TIAM2: variants seen among roughly 807,000 people sequenced by gnomAD.
TIAM2 encodes the protein rho guanine nucleotide exchange factor TIAM2.
In TIAM2, 80 loss-of-function variants were observed where a neutral mutation model predicts 152.9. The observed-to-expected ratio is 0.52, with a 90% confidence interval of 0.44 to 0.63. The LOEUF (loss-of-function observed/expected upper bound fraction) is 0.63. Among genes scored for constraint, TIAM2 ranks in the 30% least tolerant of loss-of-function variants. The pLI is 0.00. For synonymous variants in TIAM2, 804 were observed against 838.0 expected, an observed-to-expected ratio of 0.96 and a Z score of 0.70; for missense variants, 1,965 against 2,120.1, an observed-to-expected ratio of 0.93 and a Z score of 1.44.
At chr6:155,091,891 A>C (rs972368961) in intron 2 of TIAM2, among the ~76,000 whole-genome samples, 7 of 152,014 alleles carry the variant, frequency 4.6e-5, no homozygotes, top group African/African-American at 7.3e-5. Flanking sequence ...AGTGACCTGG[A>C]GTAGGTTATT....
At chr6:155,211,096 T>C in intron 14 of TIAM2, 108 bp from the exon 15 acceptor site, 1 of 879,876 alleles carries the variant, frequency 1.1e-6, no homozygotes, top group Admixed American at 2.3e-5. Flanking sequence ...CTGTACTGCC[T>C]CCTAGGTTGT....
chr6:155,102,944 T>C (rs1366295698), intron 2 of TIAM2, among the ~76,000 whole-genome samples: 1 of 152,190 alleles, frequency 6.6e-6, no homozygotes, highest in Non-Finnish European at 1.5e-5. Flanking sequence ...CATTTTTGCT[T>C]TTACATGGGT....
chr6:155,144,505 C>G, intron 5 of TIAM2, 101 bp from the exon 6 acceptor site: 3 of 1,139,502 alleles, frequency 2.6e-6, no homozygotes, highest in Non-Finnish European at 3.6e-6. Context: ...ACATGATTGT[C>G]TCACTCAGGT....
rs141629343 is a variant in TIAM2 at position 155,005,594 on chromosome 6, C to A, written c.-209+10102C>A. Among the ~76,000 whole-genome samples the A allele has an allele frequency of 1.3e-3, 197 of 151,986 alleles. 7 individuals carry two copies. The East Asian group carries it at 0.034, about 26-fold the overall frequency. On this transcript the variant is annotated intron_variant, in intron 1 of 26. Coordinates refer to ENST00000682666, the MANE Select transcript of TIAM2 (RefSeq NM_012454.4). The stretch of plus-strand genomic sequence containing the variant: ...ACCTCAAGTGATCCACCCACCTTGG[C>A]CTCTCAAAGTGCTGGGATTACAGGG...
intron 9 of TIAM2, among the ~76,000 whole-genome samples, chr6:155,170,618 G>A (rs995012457): frequency 6.6e-6 from 1 of 152,100 alleles, no homozygotes; most frequent in South Asian, 2.1e-4. Context: ...AGAAAGTTAT[G>A]AAACTATAGC....
rs534201851 is a variant in TIAM2 at position 155,165,784 on chromosome 6, T to C, written c.2361+375T>C. Among the ~76,000 whole-genome samples the C allele has an allele frequency of 9.9e-5, 15 of 152,052 alleles. No homozygotes were observed. In the East Asian group the frequency reaches 2.9e-3, roughly 29 times the overall value. On this transcript the variant is annotated intron_variant, in intron 9 of 26. Transcript: ENST00000682666. ...GCCTGAGTGACAGAGCGAGACCCCG[T>C]CTCAAAAATAAAAATGAAAATAAAA...
chr6:155,224,158 AAAG>A (rs780525983), intron 15 of TIAM2, among the ~76,000 whole-genome samples: 12 of 152,328 alleles, frequency 7.9e-5, no homozygotes, highest in African/African-American at 2.4e-4. Flanking sequence ...GTACTGAGTG[AAAG>A]AAGATGTGTT....
At chr6:155,009,314 C>G (rs1778449415) in intron 1 of TIAM2, among the ~76,000 whole-genome samples, 1 of 151,776 alleles carries the variant, frequency 6.6e-6, no homozygotes, top group Admixed American at 6.6e-5. Flanking sequence ...GTTGCCCAGT[C>G]TGGTCTTGAA....
intron 1 of TIAM2, among the ~76,000 whole-genome samples, chr6:155,054,110 T>G (rs1474114361): frequency 6.6e-6 from 1 of 152,172 alleles, no homozygotes; most frequent in Non-Finnish European, 1.5e-5. Flanking sequence ...GAGGCGGAAG[T>G]GTCAGTAAGC....
In TIAM2 at chr6:155,125,252, CAG is replaced by C. The variant is rs1235154990; in HGVS notation, c.-117-2235_-117-2234del. On this transcript the variant is annotated intron_variant, in intron 2 of 26. Coordinates refer to ENST00000682666, the MANE Select transcript of TIAM2 (RefSeq NM_012454.4). Reference sequence around the variant, plus strand: ...TACCGCTGCACTCCAGCCTGGGTAACAGAGTGAGACTCTGTCTCAAAAAAAAT... The same window carrying C: ...TACCGCTGCACTCCAGCCTGGGTAACAGTGAGACTCTGTCTCAAAAAAAAT... Among the ~76,000 whole-genome samples the C allele has an allele frequency of 2.0e-5, 3 of 152,080 alleles. No homozygotes were observed. The East Asian group carries it at 5.8e-4, about 29-fold the overall frequency.
At chr6:155,149,110 G>GCGCAA (rs1779886992) in intron 7 of TIAM2, 1 of 167,160 alleles carries the variant, frequency 6.0e-6, no homozygotes, top group Non-Finnish European at 1.5e-5. Flanking sequence ...TTGTGATGCA[G>GCGCAA]CTTGTCCCAC....
At chr6:155,113,984 A>G (rs572747040) in intron 2 of TIAM2, among the ~76,000 whole-genome samples, 26 of 132,852 alleles carry the variant, frequency 2.0e-4, no homozygotes, top group African/African-American at 6.9e-4. Context: ...CCTATACTTT[A>G]TCTTAAAAAT....
In TIAM2 at chr6:155,127,578, TCA is replaced by T. The variant is rs1562325012; in HGVS notation, c.-26_-25del. The T allele has an allele frequency of 4.4e-6, 2 of 455,898 alleles. No homozygotes were observed. Among genetic ancestry groups the T allele is most frequent in the Non-Finnish European group, 8.8e-6 (2 of 226,804 alleles). 28.2% of individuals were successfully genotyped at this position (455,898 alleles called of 1,614,324 possible). On this transcript the variant is annotated 5_prime_UTR_variant, in exon 3 of 27. Transcript: ENST00000682666. ...AAAGCCTACTGACCACTAACCTCCCTCACAGCAGAAACTAGACGTCAGGTAAA... is the reference window on the plus strand; with the variant it reads ...AAAGCCTACTGACCACTAACCTCCCTCAGCAGAAACTAGACGTCAGGTAAA...
chr6:155,082,712 C>T (rs1378260697), intron 1 of TIAM2, among the ~76,000 whole-genome samples: 13 of 83,516 alleles, frequency 1.6e-4, no homozygotes, highest in Admixed American at 1.1e-3. Flanking sequence ...AAATAAATAT[C>T]GTAGAAGTGC....
intron 1 of TIAM2, among the ~76,000 whole-genome samples, chr6:155,004,166 G>A (rs556139497): frequency 3.6e-4 from 54 of 152,104 alleles, no homozygotes; most frequent in Admixed American, 1.1e-3. Context: ...ATGAGCCACC[G>A]TGCCTAGCTG....
intron 1 of TIAM2, among the ~76,000 whole-genome samples, chr6:155,085,249 G>A (rs898259682): frequency 6.6e-6 from 1 of 152,194 alleles, no homozygotes; most frequent in Non-Finnish European, 1.5e-5. Flanking sequence ...AATTCAGGGA[G>A]ATGGTGGCTA....
chr6:155,064,109 A>G (rs971990141), intron 1 of TIAM2, among the ~76,000 whole-genome samples: 27 of 152,158 alleles, frequency 1.8e-4, no homozygotes, highest in African/African-American at 6.5e-4. Context: ...TTTTCTCTTG[A>G]TAATTTTGAA....
intron 2 of TIAM2, among the ~76,000 whole-genome samples, chr6:155,095,233 G>A (rs1778394424): frequency 6.6e-6 from 1 of 152,216 alleles, no homozygotes; most frequent in Non-Finnish European, 1.5e-5. Flanking sequence ...AACCGAGGGA[G>A]TGGGCTCAAT....
At chr6:155,233,135 C>G (rs1782566948) in intron 15 of TIAM2, among the ~76,000 whole-genome samples, 1 of 152,092 alleles carries the variant, frequency 6.6e-6, no homozygotes. Flanking sequence ...CATGCAGTAG[C>G]TACAAAATTT....
Sources: gnomAD v4.1 joint callset for allele counts (sites outside exome capture counted in the v4.1 genomes callset) on GRCh38, gnomAD v4.1.1 for gene constraint, MANE v1.5 for transcripts, NCBI Gene and HGNC (gene_info 2026-07-23, HGNC 2026-07-21) for gene names.